PTP4A3: variants seen among roughly 807,000 people sequenced by gnomAD.
PTP4A3 encodes protein tyrosine phosphatase 4A3, also known as protein tyrosine phosphatase type IVA 3.
PTP4A3 carries 9 observed loss-of-function variants against 15.2 expected under a neutral mutation model. The observed-to-expected ratio is 0.59, with a 90% CI of 0.36 to 1.03. The LOEUF (loss-of-function observed/expected upper bound fraction) is 1.03, where lower values mean the gene tolerates loss of function less well. Ranked by LOEUF, PTP4A3 falls within the 50% of genes least tolerant of loss-of-function variation. The probability of loss-of-function intolerance (pLI) is 0.02; values close to 1 mark genes in which losing one functional copy is unlikely to be tolerated. For missense variants in PTP4A3, 234 were observed against 252.1 expected, an observed-to-expected ratio of 0.93 and a Z score of 0.49; for synonymous variants, 95 against 102.0, an observed-to-expected ratio of 0.93 and a Z score of 0.41.
intron 1 of PTP4A3, among the ~76,000 whole-genome samples, chr8:141,414,273 A>C (rs1832954734): frequency 6.6e-6 from 1 of 152,234 alleles, no homozygotes; most frequent in African/African-American, 2.4e-5. Flanking sequence ...GCTGGACATT[A>C]GGCCATTTGT....
In PTP4A3 at chr8:141,432,060, C is replaced by T. The variant is rs1419668185; in HGVS notation, c.*1016C>T. The T allele has an allele frequency of 6.6e-6, 1 of 152,418 alleles. No homozygotes were observed. 9.4% of individuals were successfully genotyped at this position (152,418 alleles called of 1,614,324 possible). A position where few individuals can be genotyped will look rare whatever the true frequency, so the allele number is the denominator to read the frequency against. Reference sequence around the variant, plus strand: ...GGCGTGGACCAGATGCTCATGTGTTCCTGGGTGCAGTGTCTGTGTTGGGGG... The same window carrying T: ...GGCGTGGACCAGATGCTCATGTGTTTCTGGGTGCAGTGTCTGTGTTGGGGG... On this transcript the variant is annotated 3_prime_UTR_variant, in exon 6 of 6. Coordinates refer to ENST00000521578, the MANE Select transcript of PTP4A3 (RefSeq NM_032611.3).
chr8:141,404,004 G>A (rs1029125969), intron 1 of PTP4A3, among the ~76,000 whole-genome samples: 3 of 152,250 alleles, frequency 2.0e-5, no homozygotes, highest in African/African-American at 7.2e-5. Flanking sequence ...GGTGGGACCT[G>A]ACTCTGCTCA....
chr8:141,427,749 G>C lies in PTP4A3; in HGVS notation c.330-1G>C. The C allele has an allele frequency of 6.4e-7, 1 of 1,550,462 alleles. No individual in the cohort carries two copies. ...ACCCCCGCCCTGCTGTTTGCCCCCA[G>C]GGCTCCAGTCCTTGTGGCGCTGGCC... On this transcript the variant is annotated splice_acceptor_variant, in intron 4 of 5. Transcript: ENST00000521578. LOFTEE classifies it high-confidence loss of function.
At chr8:141,399,772 G>C (rs371788085) in intron 1 of PTP4A3, among the ~76,000 whole-genome samples, 16 of 152,342 alleles carry the variant, frequency 1.1e-4, no homozygotes, top group African/African-American at 3.8e-4. Flanking sequence ...GGCTGTCCAT[G>C]GGTGCCTCAG....
In PTP4A3 at chr8:141,426,930, C is replaced by T. The variant is rs1397424346; in HGVS notation, c.199-9C>T. The T allele has an allele frequency of 6.2e-7, 1 of 1,610,518 alleles. No homozygotes were observed. The highest frequency in any genetic ancestry group is 8.5e-7 in the Non-Finnish European group (1 of 1,179,402). On this transcript the variant is annotated splice_polypyrimidine_tract_variant and intron_variant, in intron 3 of 5. Coordinates refer to ENST00000521578, the MANE Select transcript of PTP4A3 (RefSeq NM_032611.3). The stretch of plus-strand genomic sequence containing the variant: ...AGCCGGGGGTCCTCATGTCTGCTTC[C>T]CTCCGTAGGACTGGCCGTTTGACGA...
rs1336423487 is a variant in PTP4A3 at position 141,427,760 on chromosome 8, C to G, written c.340C>G (p.Leu114Val). ...CVAGLGRAPV[L>V]VALALIESGM... ...GCTGTTTGCCCCCAGGGCTCCAGTC[C>G]TTGTGGCGCTGGCCCTTATTGAGAG... The change falls in exon 5 of 6, where the codon CTT becomes GTT. Residue 114 changes from leucine (L) to valine (V), a missense_variant. By Grantham distance (32) the Leu-to-Val change is conservative. Coordinates refer to ENST00000521578, the MANE Select transcript of PTP4A3 (RefSeq NM_032611.3). The G allele has an allele frequency of 6.4e-7, 1 of 1,551,182 alleles. No individual in the cohort carries two copies. The highest frequency in any genetic ancestry group is 2.4e-5 in the East Asian group (1 of 40,942).
intron 1 of PTP4A3, among the ~76,000 whole-genome samples, chr8:141,393,312 G>A (rs971134616): frequency 5.3e-5 from 8 of 152,172 alleles, no homozygotes; most frequent in African/African-American, 1.4e-4. Context: ...AATGGGCCCC[G>A]AACCTGTCAC....
chr8:141,419,405 C>T (rs1442829492), intron 1 of PTP4A3, among the ~76,000 whole-genome samples: 1 of 152,222 alleles, frequency 6.6e-6, no homozygotes, highest in Non-Finnish European at 1.5e-5. Context: ...TCCTGCTGCC[C>T]CAAGAGGGAC....
At chr8:141,420,590 G>A (rs943353645) in intron 1 of PTP4A3, among the ~76,000 whole-genome samples, 4 of 152,206 alleles carry the variant, frequency 2.6e-5, no homozygotes, top group African/African-American at 9.7e-5. Context: ...CTGGCCACCT[G>A]TGCTGTCACC....
rs558968070 is a variant in PTP4A3, at chr8:141,401,468, C to T, written c.-854+9384C>T. ...GGGTGTGACGTCCCCCCGGCCATGTCGGAGGCTCCGAGAGGGCAGCGGGTC... is the reference window on the plus strand; with the variant it reads ...GGGTGTGACGTCCCCCCGGCCATGTTGGAGGCTCCGAGAGGGCAGCGGGTC... On this transcript the variant is annotated intron_variant, in intron 1 of 5. Coordinates refer to ENST00000521578, the MANE Select transcript of PTP4A3 (RefSeq NM_032611.3). Among the ~76,000 whole-genome samples, 509 of 152,286 alleles carry T rather than the reference C, an allele frequency of 3.3e-3. 11 individuals are homozygous for T. The highest frequency in any genetic ancestry group is 9.3e-4 in the Non-Finnish European group (63 of 68,008).
chr8:141,414,621 T>TG (rs55699226), intron 1 of PTP4A3, among the ~76,000 whole-genome samples: 12,310 of 119,492 alleles, frequency 0.1, 1,828 homozygotes, highest in African/African-American at 0.36. Context: ...AGCCCTGGAC[T>TG]GGGGGGGGGG....
In PTP4A3 at chr8:141,414,849, C is replaced by T. The variant is rs902308703; in HGVS notation, c.-853-6539C>T. On this transcript the variant is annotated intron_variant, in intron 1 of 5. Transcript: ENST00000521578. ...TCCAGGGTGAGGTACGAGGGCTCCG[C>T]CCCCTCCTGATATCACCAGGCCTAG... 3.3e-5 allele frequency among the ~76,000 whole-genome samples: 5 copies of T among 152,008 alleles called. No homozygotes were observed. In the South Asian group the frequency reaches 6.2e-4, roughly 19 times the overall value.
chr8:141,418,297 A>T (rs1268185303), intron 1 of PTP4A3, among the ~76,000 whole-genome samples: 1 of 152,180 alleles, frequency 6.6e-6, no homozygotes. Flanking sequence ...GCCCTGTCTG[A>T]AGCGGGGGCT....
At chr8:141,426,476 G>A in intron 3 of PTP4A3, 1 of 985,452 alleles carries the variant, frequency 1.0e-6, no homozygotes, top group Non-Finnish European at 1.2e-6. Context: ...GTCCTTCCTG[G>A]CACCTGGGCT....
At position 141,431,008 on chromosome 8, in the gene PTP4A3, C is replaced by T. The variant is rs1833848457; in HGVS notation, c.486C>T (p.Asp162=). ...CCAAACAGAGGCTGCGGTTCAAAGA[C>T]CCACACACGCACAAGACCCGGTGCT... is the stretch of plus-strand genomic sequence containing the variant. ...YRPKQRLRFK[D]PHTHKTRCCV... Residue 162 remains aspartate (D), a synonymous_variant, in exon 6 of 6, where the codon GAC becomes GAT. Coordinates refer to ENST00000521578, the MANE Select transcript of PTP4A3 (RefSeq NM_032611.3). 6.2e-7 allele frequency: 1 copy of T among 1,613,300 alleles called. No homozygotes were observed. Among genetic ancestry groups the T allele is most frequent in the Non-Finnish European group, 8.5e-7 (1 of 1,179,966 alleles).
At chr8:141,414,844 C>G (rs1220526857) in intron 1 of PTP4A3, among the ~76,000 whole-genome samples, 1 of 151,986 alleles carries the variant, frequency 6.6e-6, no homozygotes, top group Non-Finnish European at 1.5e-5. Context: ...GGTACGAGGG[C>G]TCCGCCCCCT....
chr8:141,396,361 G>C (rs1435070695), intron 1 of PTP4A3, among the ~76,000 whole-genome samples: 1 of 152,214 alleles, frequency 6.6e-6, no homozygotes, highest in Non-Finnish European at 1.5e-5. Flanking sequence ...GAATTTGAAC[G>C]CTGGCCATGC....
intron 1 of PTP4A3, among the ~76,000 whole-genome samples, chr8:141,421,026 G>A (rs1386649948): frequency 2.0e-5 from 3 of 152,182 alleles, no homozygotes; most frequent in Non-Finnish European, 4.4e-5. Context: ...AGGCTTCTTA[G>A]GAACTCGGCC....
chr8:141,411,387 C>T (rs1832864460), intron 1 of PTP4A3, among the ~76,000 whole-genome samples: 1 of 152,234 alleles, frequency 6.6e-6, no homozygotes, highest in Admixed American at 6.5e-5. Context: ...ATCTAGGCAC[C>T]ATGGGGAACC....
Sources: gnomAD v4.1 joint callset for allele counts (sites outside exome capture counted in the v4.1 genomes callset) on GRCh38, gnomAD v4.1.1 for gene constraint, MANE v1.5 for transcripts, NCBI Gene and HGNC (gene_info 2026-07-23, HGNC 2026-07-21) for gene names.